Variants in SLC26A5 observed in about 807,000 individuals in gnomAD.
SLC26A5 encodes the protein prestin.
Under a neutral mutation model 81.0 loss-of-function variants are expected in SLC26A5, and 51 were observed. That is an observed-to-expected ratio of 0.63 (90% confidence interval 0.50 to 0.80). SLC26A5 has a LOEUF of 0.80. Ranked by LOEUF, SLC26A5 falls within the 30% of genes least tolerant of loss-of-function variation. The pLI, the probability that SLC26A5 is intolerant of heterozygous loss-of-function variation, is 0.00. For missense variants in SLC26A5, 771 were observed against 905.8 expected, an observed-to-expected ratio of 0.85 and a Z score of 1.91; for synonymous variants, 325 against 332.8, an observed-to-expected ratio of 0.98 and a Z score of 0.25.
At chr7:103,390,375 T>G in intron 12 of SLC26A5, 54 bp downstream of exon 12, 1 of 1,473,322 alleles carries the variant, frequency 6.8e-7, no homozygotes, top group South Asian at 1.1e-5. Flanking sequence ...ACAAATAAAA[T>G]AGCAAAATCT....
intron 2 of SLC26A5, among the ~76,000 whole-genome samples, chr7:103,441,482 C>G (rs2116871707): frequency 6.6e-6 from 1 of 152,302 alleles, no homozygotes; most frequent in South Asian, 2.1e-4. Flanking sequence ...TTTCTCCTCT[C>G]CCAGTTCTGG....
rs1408968044 is a variant in SLC26A5, at chr7:103,390,424, C to T, written c.1311+5G>A. 6.2e-7 allele frequency: 1 copy of T among 1,613,428 alleles called. No homozygotes were observed. The highest frequency in any genetic ancestry group is 2.2e-5 in the East Asian group (1 of 44,894). On this transcript the variant is annotated splice_donor_5th_base_variant and intron_variant, in intron 12 of 19. Coordinates refer to ENST00000306312, the MANE Select transcript of SLC26A5 (RefSeq NM_198999.3). ...AAACTTCACCCAAGTCCACATTACA[C>T]ACACCTGGGGCAATGATTCAAAGAG...
At chr7:103,442,593 C>T (rs762019200) in intron 2 of SLC26A5, among the ~76,000 whole-genome samples, 8 of 152,090 alleles carry the variant, frequency 5.3e-5, no homozygotes, top group Non-Finnish European at 8.8e-5. Context: ...TAAATAAACT[C>T]CCAGGCAATG....
chr7:103,445,088 C>A (rs1353516536), intron 1 of SLC26A5: 3 of 152,056 alleles, frequency 2.0e-5, no homozygotes, highest in African/African-American at 4.8e-5. Flanking sequence ...CAGTCTGTGC[C>A]CGCAAAAAGT....
intron 15 of SLC26A5, among the ~76,000 whole-genome samples, chr7:103,380,190 C>T (rs1016499322): frequency 1.3e-5 from 2 of 152,080 alleles, no homozygotes; most frequent in African/African-American, 2.4e-5. Flanking sequence ...AAAAACCATG[C>T]ACACACAAAC....
At chr7:103,409,286 G>A (rs1040124167) in intron 7 of SLC26A5, among the ~76,000 whole-genome samples, 9 of 152,176 alleles carry the variant, frequency 5.9e-5, no homozygotes, top group African/African-American at 1.9e-4. Flanking sequence ...GCAGTGTCTG[G>A]CACATAAATA....
chr7:103,360,561 G>C (rs146981337), intron 19 of SLC26A5, among the ~76,000 whole-genome samples: 58 of 152,264 alleles, frequency 3.8e-4, no homozygotes, highest in African/African-American at 1.3e-3. Context: ...ACCTGGCTAA[G>C]CCAAAGCATT....
At chr7:103,415,901 T>C (rs1824866199) in intron 4 of SLC26A5, among the ~76,000 whole-genome samples, 1 of 152,216 alleles carries the variant, frequency 6.6e-6, no homozygotes, top group Admixed American at 6.5e-5. Context: ...TCTTTCTTTC[T>C]GGAAGTCCTA....
At chr7:103,380,424 T>C (rs1821680360) in intron 15 of SLC26A5, 56 bp downstream of exon 15, 1 of 1,447,424 alleles carries the variant, frequency 6.9e-7, no homozygotes, top group South Asian at 1.1e-5. Flanking sequence ...AAAACAGTAC[T>C]TAGCCAAGCA....
At chr7:103,404,640 A>C (rs1271760387) in intron 8 of SLC26A5, among the ~76,000 whole-genome samples, 1 of 152,108 alleles carries the variant, frequency 6.6e-6, no homozygotes, top group African/African-American at 2.4e-5. Context: ...AACCTTGGTG[A>C]ATCTGATGAT....
intron 19 of SLC26A5, chr7:103,361,890 C>G: frequency 6.8e-7 from 1 of 1,460,972 alleles, no homozygotes; most frequent in Non-Finnish European, 9.3e-7. Context: ...AGGATATAAT[C>G]TAGTTAGTTG....
intron 2 of SLC26A5, among the ~76,000 whole-genome samples, chr7:103,422,405 CA>C (rs1415059440): frequency 3.3e-5 from 5 of 152,122 alleles, no homozygotes; most frequent in African/African-American, 1.2e-4. Flanking sequence ...CAATACATCT[CA>C]GAGGCAATTT....
intron 19 of SLC26A5, among the ~76,000 whole-genome samples, chr7:103,363,690 C>G (rs542171125): frequency 6.6e-6 from 1 of 152,090 alleles, no homozygotes; most frequent in Admixed American, 6.6e-5. Flanking sequence ...ACAGTGTAAC[C>G]TTTAGCAATA....
chr7:103,371,470 G>A (rs1009472208), downstream of SLC26A5, among the ~76,000 whole-genome samples: 10 of 150,032 alleles, frequency 6.7e-5, no homozygotes, highest in African/African-American at 1.2e-4. Flanking sequence ...GACTACAGGC[G>A]CCCGCCACTA....
At chr7:103,427,240 C>T (rs570386273) in intron 2 of SLC26A5, among the ~76,000 whole-genome samples, 2 of 152,022 alleles carry the variant, frequency 1.3e-5, no homozygotes, top group Non-Finnish European at 2.9e-5. Context: ...CGCCCAACTA[C>T]TTTTTGTATT....
chr7:103,402,633 T>G (rs577594976), intron 8 of SLC26A5, among the ~76,000 whole-genome samples: 2 of 152,098 alleles, frequency 1.3e-5, no homozygotes, highest in South Asian at 4.1e-4. Flanking sequence ...TCTCTTGACT[T>G]TCTGATTTGC....
chr7:103,381,807 C>T (rs141309010), intron 14 of SLC26A5, among the ~76,000 whole-genome samples: 61 of 150,934 alleles, frequency 4.0e-4, no homozygotes, highest in Non-Finnish European at 8.3e-4. Context: ...GCATATACAA[C>T]CTTCATCCAA....
At chr7:103,395,773 C>T (rs992223971) in intron 9 of SLC26A5, among the ~76,000 whole-genome samples, 1 of 151,868 alleles carries the variant, frequency 6.6e-6, no homozygotes, top group Non-Finnish European at 1.5e-5. Context: ...CCAGCCTCAG[C>T]CTCCTAAAGT....
chr7:103,395,977 C>T (rs1563538741), intron 9 of SLC26A5, among the ~76,000 whole-genome samples: 2 of 152,172 alleles, frequency 1.3e-5, no homozygotes, highest in Admixed American at 1.3e-4. Flanking sequence ...GGTGTTCACT[C>T]ATTGCCTTCC....
Sources: allele counts gnomAD v4.1 joint callset (sites outside exome capture counted in the v4.1 genomes callset), GRCh38; gene constraint gnomAD v4.1.1; transcripts MANE v1.5; gene names NCBI Gene and HGNC (gene_info 2026-07-23, HGNC 2026-07-21).